Variants in THAP5 observed in about 807,000 individuals in gnomAD.
THAP5 encodes THAP domain-containing protein 5.
Under a neutral mutation model 34.0 loss-of-function variants are expected in THAP5, and 26 were observed. The ratio of observed to expected loss-of-function variants is 0.77; its 90% confidence interval spans 0.56 to 1.06. The LOEUF (loss-of-function observed/expected upper bound fraction) is 1.06, where lower values mean the gene tolerates loss of function less well. THAP5 is among the 50% of genes least tolerant of loss of function. The pLI, the probability that THAP5 is intolerant of heterozygous loss-of-function variation, is 0.00. For missense variants in THAP5, 394 were observed against 452.8 expected, an observed-to-expected ratio of 0.87 and a Z score of 1.18; for synonymous variants, 125 against 153.0, an observed-to-expected ratio of 0.82 and a Z score of 1.35.
intron 1 of THAP5, chr7:108,569,267 A>G: frequency 7.0e-7 from 1 of 1,427,318 alleles, no homozygotes; most frequent in Non-Finnish European, 9.1e-7. Context: ...GTTAACACCC[A>G]AACAGGCTCC....
rs757029611 is a variant in THAP5 at position 108,569,596 on chromosome 7, G to C, written c.-27C>G. 5.2e-6 allele frequency: 8 copies of C among 1,550,150 alleles called. 1 individual carries two copies. In the East Asian group the frequency reaches 2.0e-4, roughly 38 times the overall value. ...ACTCGGGTGAGGCCCCTGGAGACCGGGGCCGGCGACGGATGCAGGGCGGCC... is the reference window on the plus strand; with the variant it reads ...ACTCGGGTGAGGCCCCTGGAGACCGCGGCCGGCGACGGATGCAGGGCGGCC... On this transcript the variant is annotated 5_prime_UTR_variant, in exon 1 of 3. Transcript: ENST00000415914.
chr7:108,558,381 G>GTATGTA (rs1554694585), downstream of THAP5, among the ~76,000 whole-genome samples: 1 of 93,824 alleles, frequency 1.1e-5, no homozygotes, highest in Non-Finnish European at 2.2e-5. Flanking sequence ...GTGTGTGTAT[G>GTATGTA]TATATATATA....
the THAP5 span, among the ~76,000 whole-genome samples, chr7:108,546,001 A>C: frequency 6.6e-6 from 1 of 152,210 alleles, no homozygotes; most frequent in African/African-American, 2.4e-5. Context: ...GCCAGCACAG[A>C]GTTAGCAACA....
intron 1 of THAP5, 103 bp downstream of exon 1, chr7:108,569,387 C>T: frequency 5.2e-6 from 8 of 1,537,024 alleles, no homozygotes; most frequent in Non-Finnish European, 7.0e-6. Flanking sequence ...GTACGGAGAG[C>T]TGAGGACTCA....
chr7:108,549,819 CTTTGAAGAACTTTATGTTTCA>C (rs1366559704), downstream of THAP5, among the ~76,000 whole-genome samples: 1 of 152,160 alleles, frequency 6.6e-6, no homozygotes, highest in East Asian at 1.9e-4. Flanking sequence ...TGATTTCCAT[CTTTGAAGAACTTTATGTTTCA>C]TTTGAAGAAC....
At chr7:108,552,693 G>A (rs779599491), downstream of THAP5, among the ~76,000 whole-genome samples, 2 of 152,204 alleles carry the variant, frequency 1.3e-5, no homozygotes, top group Admixed American at 1.3e-4. Context: ...CCAGCTACTC[G>A]GGAGGCTGAG....
the THAP5 span, among the ~76,000 whole-genome samples, chr7:108,544,036 A>G: frequency 6.6e-6 from 1 of 152,178 alleles, no homozygotes; most frequent in Non-Finnish European, 1.5e-5. Flanking sequence ...GAAAAATATA[A>G]CTTACCAAAA....
the THAP5 span, among the ~76,000 whole-genome samples, chr7:108,542,522 G>A: frequency 0.012 from 1,806 of 152,276 alleles, 20 homozygotes; most frequent in Non-Finnish European, 0.019. Context: ...GAGTGCAGTG[G>A]CACGATCTCG....
downstream of THAP5, among the ~76,000 whole-genome samples, chr7:108,550,935 G>C (rs969656610): frequency 6.6e-6 from 1 of 151,888 alleles, no homozygotes; most frequent in South Asian, 2.1e-4. Flanking sequence ...TCTATCTTTT[G>C]GCTTTTTTTG....
the THAP5 span, among the ~76,000 whole-genome samples, chr7:108,546,739 G>A: frequency 4.6e-5 from 7 of 152,130 alleles, no homozygotes; most frequent in Non-Finnish European, 2.9e-5. Flanking sequence ...TGCATGACTT[G>A]AGCTGATGTT....
At chr7:108,558,381 G>GTGTATATATATATCTA (rs1321603472), downstream of THAP5, among the ~76,000 whole-genome samples, 1 of 93,824 alleles carries the variant, frequency 1.1e-5, no homozygotes, top group Non-Finnish European at 2.2e-5. Context: ...GTGTGTGTAT[G>GTGTATATATATATCTA]TATATATATA....
chr7:108,567,406 T>C (rs996537282), intron 1 of THAP5, among the ~76,000 whole-genome samples: 2 of 152,178 alleles, frequency 1.3e-5, no homozygotes, highest in Non-Finnish European at 2.9e-5. Context: ...TGCTTTTTAC[T>C]GTAAATTCAT....
At chr7:108,549,469 A>G in the THAP5 span, among the ~76,000 whole-genome samples, 6,793 of 152,158 alleles carry the variant, frequency 0.045, 481 homozygotes, top group African/African-American at 0.15. Flanking sequence ...ACACTCCACT[A>G]TGGTAGATGA....
downstream of THAP5, among the ~76,000 whole-genome samples, chr7:108,554,384 A>G (rs1165811107): frequency 2.0e-5 from 3 of 152,150 alleles, no homozygotes. Context: ...GATGAGCTGC[A>G]TTGAGAGTGA....
the THAP5 span, among the ~76,000 whole-genome samples, chr7:108,545,383 C>T: frequency 6.6e-6 from 1 of 152,202 alleles, no homozygotes. Flanking sequence ...AAACATTCCA[C>T]AGCATTAAGA....
In THAP5 at chr7:108,564,899, T is replaced by C. The variant is rs1790451818; in HGVS notation, c.480A>G (p.Gln160=). The C allele has an allele frequency of 1.9e-6, 3 of 1,593,528 alleles. No individual in the cohort carries two copies. The highest frequency in any genetic ancestry group is 2.7e-5 in the African/African-American group (2 of 74,840). ...KPPAPKTGSI[Q]NNMLTLNLVK... ...CTAGATTAAGAGTTAACATGTTATT[T>C]TGTATACTTCCTGTTTTGGGAGCTG... is the stretch of plus-strand genomic sequence containing the variant. Residue 160 remains glutamine (Q), a synonymous_variant, in exon 3 of 3, where the codon CAA becomes CAG. Coordinates refer to ENST00000415914, the MANE Select transcript of THAP5 (RefSeq NM_001130475.3).
chr7:108,549,642 G>A (rs868575508), downstream of THAP5, among the ~76,000 whole-genome samples: 80 of 152,172 alleles, frequency 5.3e-4, no homozygotes, highest in African/African-American at 1.9e-3. Flanking sequence ...TGTAAATGCA[G>A]TTATGTATGA....
At chr7:108,549,366 C>T in the THAP5 span, among the ~76,000 whole-genome samples, 5 of 152,224 alleles carry the variant, frequency 3.3e-5, no homozygotes, top group African/African-American at 4.8e-5. Flanking sequence ...ATGATCCGCC[C>T]GCCTCGGCCT....
downstream of THAP5, among the ~76,000 whole-genome samples, chr7:108,559,014 A>G (rs1349217262): frequency 6.6e-6 from 1 of 152,260 alleles, no homozygotes; most frequent in African/African-American, 2.4e-5. Context: ...TCATGTTTCT[A>G]TTACCTGAAT....
Sources: gnomAD v4.1 joint callset for allele counts (sites outside exome capture counted in the v4.1 genomes callset) on GRCh38, gnomAD v4.1.1 for gene constraint, MANE v1.5 for transcripts, NCBI Gene and HGNC (gene_info 2026-07-23, HGNC 2026-07-21) for gene names.